Variants in SH3D19 observed in about 807,000 individuals in gnomAD.
SH3D19 encodes SH3 domain-containing protein 19.
SH3D19 carries 58 observed loss-of-function variants against 112.1 expected under a neutral mutation model. That is an observed-to-expected ratio of 0.52 (90% confidence interval 0.42 to 0.64). The LOEUF (loss-of-function observed/expected upper bound fraction) is 0.64. Ranked by LOEUF, SH3D19 falls within the 30% of genes least tolerant of loss-of-function variation. The pLI, the probability that SH3D19 is intolerant of heterozygous loss-of-function variation, is 0.00. For synonymous variants in SH3D19, 391 were observed against 448.5 expected (o/e 0.87, Z 1.62); for missense variants, 1,090 against 1,263.4 (o/e 0.86, Z 2.08).
intron 1 of SH3D19, among the ~76,000 whole-genome samples, chr4:151,263,843 C>T (rs984880994): frequency 2.0e-5 from 3 of 152,224 alleles, no homozygotes; most frequent in South Asian, 2.1e-4. Context: ...TCTCACTCTG[C>T]GGCCCAGGCT....
chr4:151,310,434 CTCTTGTA>C (rs1729336637), intron 1 of SH3D19, among the ~76,000 whole-genome samples: 1 of 151,986 alleles, frequency 6.6e-6, no homozygotes, highest in Non-Finnish European at 1.5e-5. Flanking sequence ...GAAAAGGAAA[CTCTTGTA>C]TGTTGTTGAT....
At chr4:151,122,738 G>A (rs987419501) in intron 19 of SH3D19, among the ~76,000 whole-genome samples, 3 of 152,012 alleles carry the variant, frequency 2.0e-5, no homozygotes, top group Non-Finnish European at 4.4e-5. Flanking sequence ...AGTGAGTCAT[G>A]TGCTTCCTGT....
At chr4:151,171,500 C>T (rs932432090) in intron 7 of SH3D19, among the ~76,000 whole-genome samples, 14 of 152,090 alleles carry the variant, frequency 9.2e-5, no homozygotes, top group African/African-American at 3.1e-4. Flanking sequence ...CTTGTATTTG[C>T]AATGTTTATT....
chr4:151,299,900 A>G (rs1038983917), intron 1 of SH3D19, among the ~76,000 whole-genome samples: 11 of 152,136 alleles, frequency 7.2e-5, no homozygotes, highest in South Asian at 4.2e-4. Context: ...GGTTGCAGCG[A>G]AAGAAATAAA....
At chr4:151,246,484 G>A (rs1770955408) in intron 1 of SH3D19, among the ~76,000 whole-genome samples, 1 of 152,140 alleles carries the variant, frequency 6.6e-6, no homozygotes, top group African/African-American at 2.4e-5. Flanking sequence ...AGTAATTTGG[G>A]CCTTTAAAAA....
intron 19 of SH3D19, among the ~76,000 whole-genome samples, chr4:151,125,486 CAAAA>C (rs1749019135): frequency 4.0e-4 from 9 of 22,258 alleles, no homozygotes; most frequent in Non-Finnish European, 8.1e-4. Context: ...CAAAACAAAA[CAAAA>C]CCAAAAAAAA....
chr4:151,174,536 CACACACA>C, intron 7 of SH3D19, 127 bp downstream of exon 7: 1 of 693,684 alleles, frequency 1.4e-6, no homozygotes, highest in Non-Finnish European at 2.2e-6. Flanking sequence ...TGTTTCTATA[CACACACA>C]TGCATGTGCA....
At chr4:151,291,546 T>C in intron 1 of SH3D19, 1 of 864,702 alleles carries the variant, frequency 1.2e-6, no homozygotes, top group Non-Finnish European at 1.8e-6. Context: ...AGTTTTGGGG[T>C]TGGAATGTGA....
chr4:151,239,447 GAGA>G (rs1770386611), intron 1 of SH3D19, among the ~76,000 whole-genome samples: 1 of 152,222 alleles, frequency 6.6e-6, no homozygotes, highest in South Asian at 2.1e-4. Flanking sequence ...TTAATTCATA[GAGA>G]AGAAGTATTG....
chr4:151,228,001 G>A (rs745459055), intron 1 of SH3D19: 183 of 985,248 alleles, frequency 1.9e-4, no homozygotes, highest in Middle Eastern at 5.2e-4. Flanking sequence ...CTGCACAGCT[G>A]GAATGTGGCC....
chr4:151,142,043 C>T (rs565320124), intron 12 of SH3D19, among the ~76,000 whole-genome samples: 82 of 152,290 alleles, frequency 5.4e-4, no homozygotes, highest in Non-Finnish European at 9.7e-4. Flanking sequence ...TCAGACCATA[C>T]CACTGGGGTA....
At chr4:151,176,788 T>C in intron 5 of SH3D19, 29 bp downstream of exon 5, 1 of 1,231,746 alleles carries the variant, frequency 8.1e-7, no homozygotes, top group African/African-American at 1.5e-5. Flanking sequence ...AAAAATAAAA[T>C]GCAAAGAGAT....
rs534913316 is a variant in SH3D19, at chr4:151,126,004, C to T, written c.3027+1614G>A. ...ACCCCATCACAAAATAGGAAGTTAG[C>T]AACTTTATGGTGACATATTTCAGTC... On this transcript the variant is annotated intron_variant, in intron 19 of 19. Coordinates refer to ENST00000604030, the MANE Select transcript of SH3D19 (RefSeq NM_001378122.1). Among the ~76,000 whole-genome samples, 4 of 152,146 alleles carry T rather than the reference C, an allele frequency of 2.6e-5. No homozygotes were observed. In the East Asian group the frequency reaches 7.7e-4, roughly 29 times the overall value.
chr4:151,124,958 A>T (rs1748867604), intron 19 of SH3D19, among the ~76,000 whole-genome samples: 1 of 152,204 alleles, frequency 6.6e-6, no homozygotes, highest in African/African-American at 2.4e-5. Flanking sequence ...ACATCCAAGA[A>T]GTTTGAATTC....
intron 1 of SH3D19, among the ~76,000 whole-genome samples, chr4:151,254,153 G>A (rs1272702074): frequency 6.6e-6 from 1 of 152,138 alleles, no homozygotes. Flanking sequence ...TCAGGCAAAT[G>A]TAAAACACTA....
chr4:151,197,176 A>C (rs921266875), intron 2 of SH3D19, among the ~76,000 whole-genome samples: 3 of 152,170 alleles, frequency 2.0e-5, no homozygotes, highest in Non-Finnish European at 2.9e-5. Context: ...ACTGCACTCC[A>C]GCCTGGGTGA....
intron 1 of SH3D19, among the ~76,000 whole-genome samples, chr4:151,323,237 G>C (rs540641820): frequency 1.6e-4 from 25 of 152,146 alleles, no homozygotes; most frequent in Non-Finnish European, 3.4e-4. Flanking sequence ...ATCAAGCTAG[G>C]TGAAATCAGA....
intron 12 of SH3D19, 71 bp from the exon 13 acceptor site, chr4:151,139,918 C>T: frequency 6.9e-7 from 1 of 1,450,042 alleles, no homozygotes; most frequent in Non-Finnish European, 9.6e-7. Flanking sequence ...ACTCTGAGAC[C>T]AATTTTTTTT....
chr4:151,283,810 A>G (rs1012375675), intron 1 of SH3D19, among the ~76,000 whole-genome samples: 1 of 152,146 alleles, frequency 6.6e-6, no homozygotes, highest in Non-Finnish European at 1.5e-5. Flanking sequence ...GTATATTTTC[A>G]TAAGTATATT....
Sources: gnomAD v4.1 joint callset for allele counts (sites outside exome capture counted in the v4.1 genomes callset) on GRCh38, gnomAD v4.1.1 for gene constraint, MANE v1.5 for transcripts, NCBI Gene and HGNC (gene_info 2026-07-23, HGNC 2026-07-21) for gene names.